KIAA0586: variants seen among roughly 807,000 people sequenced by gnomAD.
KIAA0586 encodes protein TALPID3.
In KIAA0586, 144 loss-of-function variants were observed where a neutral mutation model predicts 169.8. The observed-to-expected ratio is 0.85, with a 90% CI of 0.74 to 0.97. The LOEUF (loss-of-function observed/expected upper bound fraction) is 0.97. Ranked by LOEUF, KIAA0586 falls within the 50% of genes least tolerant of loss-of-function variation. The pLI, the probability that KIAA0586 is intolerant of heterozygous loss-of-function variation, is 0.00. For synonymous variants in KIAA0586, 625 were observed against 612.4 expected (o/e 1.02, Z -0.30); for missense variants, 1,854 against 1,823.0 (o/e 1.02, Z -0.31).
intron 6 of KIAA0586, among the ~76,000 whole-genome samples, chr14:58,446,013 C>T (rs933672331): frequency 6.6e-6 from 1 of 151,120 alleles, no homozygotes; most frequent in Non-Finnish European, 1.5e-5. Context: ...GGATTACAGA[C>T]GCCCACCACC....
intron 8 of KIAA0586, among the ~76,000 whole-genome samples, chr14:58,451,420 T>C (rs968953401): frequency 8.6e-5 from 13 of 151,340 alleles, no homozygotes; most frequent in African/African-American, 3.2e-4. Context: ...AGAGATGGGG[T>C]TTCACTATGT....
intron 26 of KIAA0586, among the ~76,000 whole-genome samples, chr14:58,492,669 C>G (rs1328660810): frequency 6.6e-6 from 1 of 152,140 alleles, no homozygotes; most frequent in Non-Finnish European, 1.5e-5. Flanking sequence ...AATAACTAAT[C>G]AAATAGCTGT....
intron 29 of KIAA0586, among the ~76,000 whole-genome samples, chr14:58,527,486 A>C (rs11850668): frequency 0.011 from 1,631 of 152,342 alleles, 31 homozygotes; most frequent in African/African-American, 0.037. Context: ...AAGGAAGCCC[A>C]TAAGACTAAC....
intron 7 of KIAA0586, 145 bp downstream of exon 7, chr14:58,448,638 T>TC: frequency 4.1e-6 from 2 of 493,256 alleles, no homozygotes. Flanking sequence ...ATAAAACAAT[T>TC]TTTTTAAATG....
chr14:58,518,967 A>G (rs1476285239), intron 29 of KIAA0586, among the ~76,000 whole-genome samples: 1 of 152,206 alleles, frequency 6.6e-6, no homozygotes, highest in Non-Finnish European at 1.5e-5. Flanking sequence ...CCCCGTCTCT[A>G]CTAAAAATAC....
intron 13 of KIAA0586, among the ~76,000 whole-genome samples, chr14:58,460,395 G>A (rs981243475): frequency 3.9e-5 from 6 of 151,994 alleles, no homozygotes; most frequent in Admixed American, 1.3e-4. Context: ...TTTCATTTGC[G>A]TGTGTGTATA....
Position 58,488,070 on chromosome 14 carries a change from A to T in KIAA0586, c.3488A>T (p.Asn1163Ile). ...GGAGACCTGCCACTGGAAGAAGAGAACCCTAACTCACCTCAAGAAGAACTT... is the reference window on the plus strand; with the variant it reads ...GGAGACCTGCCACTGGAAGAAGAGATCCCTAACTCACCTCAAGAAGAACTT... ...GDGDLPLEEE[N>I]PNSPQEELHP... The change falls in exon 23 of 31, where the codon AAC becomes ATC. Residue 1163 changes from asparagine to isoleucine, a missense_variant. Coordinates refer to ENST00000652326, the MANE Select transcript of KIAA0586 (RefSeq NM_001329943.3). 1 of 1,607,946 alleles carries T rather than the reference A, an allele frequency of 6.2e-7. No individual in the cohort carries two copies. Among genetic ancestry groups the T allele is most frequent in the Non-Finnish European group, 8.5e-7 (1 of 1,177,114 alleles).
chr14:58,482,402 G>A, intron 20 of KIAA0586, 111 bp from the exon 21 acceptor site: 1 of 802,682 alleles, frequency 1.2e-6, no homozygotes, highest in Non-Finnish European at 1.8e-6. Context: ...CTCCAGCCTG[G>A]GTGACAGAGT....
At chr14:58,442,391 C>A (rs1008684683) in intron 4 of KIAA0586, among the ~76,000 whole-genome samples, 8 of 152,222 alleles carry the variant, frequency 5.3e-5, no homozygotes, top group Non-Finnish European at 1.2e-4. Flanking sequence ...AGGCATAATC[C>A]CACCGTGCCA....
rs767847589 is a variant in KIAA0586 at position 58,457,741 on chromosome 14, G to A, written c.1363-18G>A. ...TCGTTGTGAGTTTAGTAACTTTCTG[G>A]TCTTTTTTTCTTTTAAGCCAAAAGA... On this transcript the variant is annotated intron_variant, in intron 10 of 30. Coordinates refer to ENST00000652326, the MANE Select transcript of KIAA0586 (RefSeq NM_001329943.3). The A allele has an allele frequency of 2.0e-6, 3 of 1,521,028 alleles. No individual in the cohort carries two copies. In the Admixed American group the frequency reaches 6.0e-5, roughly 30 times the overall value. The allele number at this position is 1,521,028 out of a possible 1,614,324, so 94.2% of individuals were successfully genotyped here. A position where few individuals can be genotyped will look rare whatever the true frequency, so the allele number is the denominator to read the frequency against.
At position 58,465,996 on chromosome 14, in the gene KIAA0586, G is replaced by A. The variant is rs1267838976; in HGVS notation, c.2221G>A (p.Glu741Lys). The A allele has an allele frequency of 2.5e-6, 4 of 1,611,862 alleles. No individual in the cohort carries two copies. The highest frequency in any genetic ancestry group is 1.1e-5 in the South Asian group (1 of 90,394). Residue 741 changes from glutamate (E) to lysine (K), a missense_variant, in exon 15 of 31, where the codon GAA becomes AAA. By Grantham distance (56) the Glu-to-Lys change is moderately conservative. Transcript: ENST00000652326. ...REMPTFSGTL[E>K]GHLIPMAILL... ...AATGCCTACTTTTTCAGGTACATTG[G>A]AAGGTCATCTGATTCCTATGGCAAT...
chr14:58,451,716 C>T (rs2039403555), intron 8 of KIAA0586, among the ~76,000 whole-genome samples: 1 of 152,078 alleles, frequency 6.6e-6, no homozygotes, highest in South Asian at 2.1e-4. Flanking sequence ...TGAAGTCTCG[C>T]TCTGTCACCC....
At chr14:58,525,393 G>A (rs1227257845) in intron 29 of KIAA0586, among the ~76,000 whole-genome samples, 1 of 151,874 alleles carries the variant, frequency 6.6e-6, no homozygotes, top group Non-Finnish European at 1.5e-5. Context: ...TAGACAGTGG[G>A]TGCAGCCCAC....
At chr14:58,499,144 T>C (rs2043372292) in intron 27 of KIAA0586, among the ~76,000 whole-genome samples, 184 bp downstream of exon 27, 1 of 152,218 alleles carries the variant, frequency 6.6e-6, no homozygotes. Context: ...CAAATGTGAT[T>C]CATATATCAG....
Position 58,480,277 on chromosome 14 carries a change from A to G in KIAA0586, c.2945-2236A>G, listed in dbSNP as rs1490387671. Among the ~76,000 whole-genome samples, 3 of 151,300 alleles carry G rather than the reference A, an allele frequency of 2.0e-5. No homozygotes were observed. In the East Asian group the frequency reaches 5.8e-4, roughly 29 times the overall value. ...GGCTCAAGCATAGGCACTATTGACC[A>G]TCTCTGATGCTTAAACTCTTCTCCT... On this transcript the variant is annotated intron_variant, in intron 20 of 30. Coordinates refer to ENST00000652326, the MANE Select transcript of KIAA0586 (RefSeq NM_001329943.3).
At chr14:58,437,784 T>TTG (rs2037959548) in intron 4 of KIAA0586, among the ~76,000 whole-genome samples, 1 of 150,986 alleles carries the variant, frequency 6.6e-6, no homozygotes, top group Admixed American at 6.6e-5. Flanking sequence ...AAGTCATCAT[T>TTG]ATGTAAGTGG....
chr14:58,549,555 T>C lies in KIAA0586; in HGVS notation c.*1623T>C, dbSNP rs537157215. On this transcript the variant is annotated 3_prime_UTR_variant, in exon 31 of 31. Coordinates refer to ENST00000652326, the MANE Select transcript of KIAA0586 (RefSeq NM_001329943.3). ...CTCACAGCTTCTCTCAGGTATTTGGTTACTGGAATGTTTTAGGTTTCACTT... is the reference window on the plus strand; with the variant it reads ...CTCACAGCTTCTCTCAGGTATTTGGCTACTGGAATGTTTTAGGTTTCACTT... The C allele has an allele frequency of 1.3e-5, 2 of 152,296 alleles. No homozygotes were observed. Among genetic ancestry groups the C allele is most frequent in the African/African-American group, 4.8e-5 (2 of 41,556 alleles). 9.4% of individuals were successfully genotyped at this position (152,296 alleles called of 1,614,324 possible).
chr14:58,448,380 A>G lies in KIAA0586; in HGVS notation c.848A>G (p.Gln283Arg), dbSNP rs772425621. Residue 283 changes from glutamine (Q) to arginine (R), a missense_variant, in exon 7 of 31, where the codon CAG becomes CGG. Physicochemically the swap from Gln to Arg is conservative, Grantham distance 43. Coordinates refer to ENST00000652326, the MANE Select transcript of KIAA0586 (RefSeq NM_001329943.3). ...GCTGCACTCAAGACTAGTAGTTTTCAGCCTGTTAGTATGCCCTCCTCCAGA... is the reference window on the plus strand; with the variant it reads ...GCTGCACTCAAGACTAGTAGTTTTCGGCCTGTTAGTATGCCCTCCTCCAGA... ...ISAALKTSSF[Q>R]PVSMPSSRAV... 1.2e-6 allele frequency: 2 copies of G among 1,606,450 alleles called. No homozygotes were observed. Among genetic ancestry groups the G allele is most frequent in the Admixed American group, 3.3e-5 (2 of 59,776 alleles).
chr14:58,440,133 T>A, intron 4 of KIAA0586: 1 of 420,120 alleles, frequency 2.4e-6, no homozygotes, highest in South Asian at 1.6e-5. Context: ...TCTTCCTGCC[T>A]CAGCCTCCCA....
Sources: allele counts gnomAD v4.1 joint callset (sites outside exome capture counted in the v4.1 genomes callset), GRCh38; gene constraint gnomAD v4.1.1; transcripts MANE v1.5; gene names NCBI Gene and HGNC (gene_info 2026-07-23, HGNC 2026-07-21).